The following PCDH7 variants were observed in gnomAD, a reference collection of about 807,000 sequenced individuals.
The protein encoded by PCDH7 is protocadherin-7.
Under a neutral mutation model 58.9 loss-of-function variants are expected in PCDH7, and 17 were observed. The observed-to-expected ratio is 0.29, with a 90% CI of 0.20 to 0.43. The LOEUF is 0.43. Among genes scored for constraint, PCDH7 ranks in the 20% least tolerant of loss-of-function variants. The probability of loss-of-function intolerance (pLI) is 1.00; values close to 1 mark genes in which losing one functional copy is unlikely to be tolerated. For missense variants in PCDH7, 1,274 were observed against 1,441.0 expected (o/e 0.88, Z 1.88); for synonymous variants, 664 against 616.4 (o/e 1.08, Z -1.14).
At chr4:30,750,224 A>G (rs1278498954) in intron 1 of PCDH7, among the ~76,000 whole-genome samples, 2 of 152,192 alleles carry the variant, frequency 1.3e-5, no homozygotes, top group East Asian at 3.9e-4. Flanking sequence ...TTATGAAAAC[A>G]GAGAAATTTG....
chr4:31,065,449 C>G (rs1405454010), intron 3 of PCDH7, among the ~76,000 whole-genome samples: 1 of 151,788 alleles, frequency 6.6e-6, no homozygotes, highest in Non-Finnish European at 1.5e-5. Context: ...CTTTCTTTTC[C>G]CTCCACTTAC....
At chr4:31,000,753 C>T (rs1429514704) in intron 3 of PCDH7, among the ~76,000 whole-genome samples, 1 of 151,950 alleles carries the variant, frequency 6.6e-6, no homozygotes, top group Non-Finnish European at 1.5e-5. Context: ...AAAGAAACAA[C>T]ACAAGTTCCA....
At chr4:31,132,270 C>A (rs1349561460) in intron 3 of PCDH7, among the ~76,000 whole-genome samples, 1 of 151,968 alleles carries the variant, frequency 6.6e-6, no homozygotes, top group Non-Finnish European at 1.5e-5. Context: ...TACATTTTTT[C>A]AATTCTCATT....
At chr4:31,106,260 T>A (rs1715562473) in intron 3 of PCDH7, among the ~76,000 whole-genome samples, 1 of 152,114 alleles carries the variant, frequency 6.6e-6, no homozygotes, top group Non-Finnish European at 1.5e-5. Flanking sequence ...GGAAGAGGCT[T>A]TCTTGAGGTG....
rs1553909430 is a variant in PCDH7, at chr4:30,894,490, A to AATATATAT, written c.71-25643_71-25636dup. 1.8e-3 allele frequency among the ~76,000 whole-genome samples: 60 copies of AATATATAT among 33,482 alleles called. 1 individual carries two copies. The highest frequency in any genetic ancestry group is 0.011 in the East Asian group (7 of 638). 22.0% of individuals were successfully genotyped at this position (33,482 alleles called of 152,430 possible). On this transcript the variant is annotated intron_variant, in intron 1 of 3. Transcript: ENST00000509759. The stretch of plus-strand genomic sequence containing the variant: ...AAAAAAAAAAAAAAAAAAAAAAAAA[A>AATATATAT]ATATATATATATATATATATATATA...
chr4:31,097,894 G>C (rs1714362217), intron 3 of PCDH7, among the ~76,000 whole-genome samples: 1 of 151,708 alleles, frequency 6.6e-6, no homozygotes, highest in Admixed American at 6.6e-5. Context: ...ACATACTAAA[G>C]ATGTAGGCCA....
intron 3 of PCDH7, among the ~76,000 whole-genome samples, chr4:31,050,758 AT>A (rs1347115268): frequency 6.6e-6 from 1 of 152,182 alleles, no homozygotes; most frequent in Admixed American, 6.6e-5. Flanking sequence ...AATTGGTGTA[AT>A]TAAGTAGATA....
intron 1 of PCDH7, among the ~76,000 whole-genome samples, chr4:30,915,258 A>T (rs1356193393): frequency 6.6e-6 from 1 of 152,190 alleles, no homozygotes; most frequent in East Asian, 1.9e-4. Context: ...GGGTAGTAGT[A>T]CATTCCCACT....
intron 2 of PCDH7, among the ~76,000 whole-genome samples, chr4:30,928,356 T>G (rs986918447): frequency 2.0e-5 from 3 of 152,222 alleles, no homozygotes; most frequent in African/African-American, 7.2e-5. Context: ...TAAAGTATTT[T>G]TTGCTTTGCT....
rs746929405 is a variant in PCDH7 at position 30,722,658 on chromosome 4, G to A, written c.1236G>A (p.Val412=). ...ACATCAAAGACGAGAACGACAACGT[G>A]CCGTCCATTGAAATCCGCAAGATTG... The change falls in exon 1 of 2, where the codon GTG becomes GTA. Residue 412 remains valine, a synonymous_variant. Transcript: ENST00000361762. This position sits in a 1 kb window ranked among gnomAD's most constrained non-coding sequence, Gnocchi z 7.6. 3 of 1,613,448 alleles carry A rather than the reference G, an allele frequency of 1.9e-6. No homozygotes were observed. Among genetic ancestry groups the A allele is most frequent in the Non-Finnish European group, 2.5e-6 (3 of 1,180,056 alleles).
chr4:31,089,932 C>T (rs1166210976), intron 3 of PCDH7, among the ~76,000 whole-genome samples: 1 of 152,088 alleles, frequency 6.6e-6, no homozygotes, highest in African/African-American at 2.4e-5. Flanking sequence ...CCCCAGATAA[C>T]TTAGTAAGAT....
At chr4:30,824,140 TTTCTTTCTTTCTTTCTTTC>T (rs1033957855) in intron 1 of PCDH7, among the ~76,000 whole-genome samples, 19 of 148,368 alleles carry the variant, frequency 1.3e-4, no homozygotes, top group African/African-American at 4.7e-4. Context: ...TCTTTCTTTC[TTTCTTTCTTTCTTTCTTTC>T]TTTTTGCTTC....
chr4:30,819,204 T>A lies in PCDH7; in HGVS notation c.70+94608T>A, dbSNP rs184162064. Among the ~76,000 whole-genome samples the A allele has an allele frequency of 1.8e-4, 27 of 152,262 alleles. No homozygotes were observed. The South Asian group carries it at 5.4e-3, about 30-fold the overall frequency. On this transcript the variant is annotated intron_variant, in intron 1 of 3. Coordinates refer to the PCDH7 transcript ENST00000509759. ...ATCATATGTATGAAGACCTTCAGTG[T>A]AAACAGTGTCTTTTAGGGAAGAAAA...
rs955733865 is a variant in PCDH7, at chr4:30,721,326, G to T, written c.-97G>T. 6.6e-5 allele frequency: 79 copies of T among 1,199,318 alleles called. No individual in the cohort carries two copies. The highest frequency in any genetic ancestry group is 8.0e-5 in the Non-Finnish European group (71 of 890,566). The allele number at this position is 1,199,318 out of a possible 1,614,324, so 74.3% of individuals were successfully genotyped here. On this transcript the variant is annotated 5_prime_UTR_variant, in exon 1 of 2. An upstream open reading frame in the 5' UTR gains an earlier in-frame stop. Coordinates refer to ENST00000361762, the Ensembl canonical transcript of PCDH7. This position sits in a 1 kb window ranked among gnomAD's most constrained non-coding sequence, Gnocchi z 6.7. The stretch of plus-strand genomic sequence containing the variant: ...TCGCTCCTTCCTTTCCGGGAGAGGG[G>T]AGAGGACTCGGGGGAGGGCAGGCGG...
chr4:30,836,397 G>A (rs1056468825), intron 1 of PCDH7, among the ~76,000 whole-genome samples: 4 of 152,228 alleles, frequency 2.6e-5, no homozygotes, highest in Admixed American at 6.5e-5. Context: ...AGAAAACCAC[G>A]TAACTAACAA....
chr4:30,863,763 C>T (rs1734512556), intron 1 of PCDH7, among the ~76,000 whole-genome samples: 1 of 152,070 alleles, frequency 6.6e-6, no homozygotes, highest in East Asian at 1.9e-4. Flanking sequence ...ATTTCATCCA[C>T]ACAAAAAATT....
intron 1 of PCDH7, among the ~76,000 whole-genome samples, chr4:30,763,576 C>A (rs372171373): frequency 2.0e-5 from 3 of 152,218 alleles, no homozygotes; most frequent in East Asian, 3.9e-4. Flanking sequence ...GCTGTTACCT[C>A]ATGGGTATAG....
intron 3 of PCDH7, among the ~76,000 whole-genome samples, chr4:30,994,151 A>G (rs28731487): frequency 0.08 from 12,148 of 152,242 alleles, 1,616 homozygotes; most frequent in African/African-American, 0.28. Context: ...ATAATCTACA[A>G]TTATGTGTTC....
intron 1 of PCDH7, among the ~76,000 whole-genome samples, chr4:30,753,955 A>T (rs1010278065): frequency 2.0e-5 from 3 of 152,230 alleles, no homozygotes; most frequent in African/African-American, 2.4e-5. Context: ...CCTTGATTTT[A>T]TAGATAAGTG....
Sources: allele counts gnomAD v4.1 joint callset (sites outside exome capture counted in the v4.1 genomes callset), GRCh38; gene constraint gnomAD v4.1.1; non-coding constraint Gnocchi (gnomAD v3.1); transcripts MANE v1.5; gene names NCBI Gene and HGNC (gene_info 2026-07-23, HGNC 2026-07-21).